Variants in DNAH11 observed in about 807,000 individuals in gnomAD.
DNAH11 encodes the protein dynein axonemal heavy chain 11, also known as axonemal beta dynein heavy chain 11.
In DNAH11, 442 loss-of-function variants were observed where a neutral mutation model predicts 526.0. The ratio of observed to expected loss-of-function variants is 0.84; its 90% CI spans 0.78 to 0.91. DNAH11 has a LOEUF of 0.91. Among genes scored for constraint, DNAH11 ranks in the 40% least tolerant of loss-of-function variants. The pLI is 0.00. For missense variants in DNAH11, 6,989 were observed against 5,448.7 expected, an observed-to-expected ratio of 1.28 and a Z score of -8.90; for synonymous variants, 2,461 against 1,935.9, an observed-to-expected ratio of 1.27 and a Z score of -7.12.
chr7:21,746,654 A>G (rs1002067270), intron 51 of DNAH11, among the ~76,000 whole-genome samples: 1 of 152,190 alleles, frequency 6.6e-6, no homozygotes, highest in East Asian at 1.9e-4. Context: ...TAAGATGTGG[A>G]GAATTCAGTT....
rs115336770 is a variant in DNAH11 at position 21,795,964 on chromosome 7, G to T, written c.10027-5173G>T. 6.8e-3 allele frequency among the ~76,000 whole-genome samples: 917 copies of T among 135,576 alleles called. 13 individuals carry two copies. The highest frequency in any genetic ancestry group is 0.024 in the African/African-American group (872 of 35,868). The allele number at this position is 135,576 out of a possible 152,430, so 88.9% of individuals were successfully genotyped here. On this transcript the variant is annotated intron_variant, in intron 61 of 81. Transcript: ENST00000409508. ...AGGGCATTTCAAGAAAGAGGGTCACGTGTCCTGTGGACAGTGAGTACCTCA... is the reference window on the plus strand; with the variant it reads ...AGGGCATTTCAAGAAAGAGGGTCACTTGTCCTGTGGACAGTGAGTACCTCA...
chr7:21,612,809 ATT>A (rs1785586904), intron 20 of DNAH11, among the ~76,000 whole-genome samples: 1 of 152,212 alleles, frequency 6.6e-6, no homozygotes, highest in South Asian at 2.1e-4. Flanking sequence ...AATTATACCA[ATT>A]TATAAACAAG....
chr7:21,851,613 C>A, intron 66 of DNAH11: 1 of 471,212 alleles, frequency 2.1e-6, no homozygotes, highest in African/African-American at 2.0e-5. Context: ...CTGACCTTCA[C>A]TGTAAGAACC....
chr7:21,885,950 G>A (rs565351948), intron 76 of DNAH11, among the ~76,000 whole-genome samples: 9 of 152,046 alleles, frequency 5.9e-5, no homozygotes, highest in East Asian at 1.9e-4. Context: ...TTTGTTTCTC[G>A]TACTACAGAG....
chr7:21,662,754 A>T (rs1782285812), intron 30 of DNAH11, among the ~76,000 whole-genome samples: 1 of 151,958 alleles, frequency 6.6e-6, no homozygotes, highest in African/African-American at 2.4e-5. Context: ...TAGCTCCCCA[A>T]ACCTTCTACC....
intron 64 of DNAH11, among the ~76,000 whole-genome samples, chr7:21,817,518 C>T (rs1408976164): frequency 2.0e-5 from 1 of 49,152 alleles, no homozygotes; most frequent in African/African-American, 6.3e-5. Flanking sequence ...CCCATCTCTA[C>T]CAAAAAAAAA....
intron 2 of DNAH11, among the ~76,000 whole-genome samples, chr7:21,549,646 C>T (rs781416675): frequency 1.1e-4 from 16 of 152,030 alleles, no homozygotes; most frequent in African/African-American, 3.6e-4. Context: ...TATAGGATTG[C>T]GTTTTAAATT....
At chr7:21,565,469 C>T (rs1783628861) in intron 6 of DNAH11, among the ~76,000 whole-genome samples, 1 of 152,076 alleles carries the variant, frequency 6.6e-6, no homozygotes, top group African/African-American at 2.4e-5. Context: ...GCTCAATTTC[C>T]CTGAGCAGTT....
intron 58 of DNAH11, 81 bp from the exon 59 acceptor site, chr7:21,786,543 G>A: frequency 6.7e-7 from 1 of 1,494,630 alleles, no homozygotes; most frequent in South Asian, 1.4e-5. Context: ...GTCCACTAAA[G>A]CCTTGCTTGG....
intron 18 of DNAH11, among the ~76,000 whole-genome samples, chr7:21,606,115 C>T (rs189380280): frequency 2.9e-4 from 44 of 152,226 alleles, no homozygotes; most frequent in Non-Finnish European, 5.3e-4. Flanking sequence ...CTTGAATTCA[C>T]GAGTTCAAGA....
intron 63 of DNAH11, among the ~76,000 whole-genome samples, chr7:21,814,348 T>C (rs1271386504): frequency 2.8e-5 from 3 of 105,384 alleles, no homozygotes; most frequent in Non-Finnish European, 5.6e-5. Context: ...TTTATTTATT[T>C]ATTTTTTTTT....
At chr7:21,806,664 A>AC (rs1209073114) in intron 62 of DNAH11, among the ~76,000 whole-genome samples, 2 of 152,168 alleles carry the variant, frequency 1.3e-5, no homozygotes, top group East Asian at 3.9e-4. Context: ...CTTTGCTTGT[A>AC]CTAACAAATT....
At chr7:21,722,040 A>G (rs1784897270) in intron 44 of DNAH11, among the ~76,000 whole-genome samples, 1 of 152,196 alleles carries the variant, frequency 6.6e-6, no homozygotes, top group Non-Finnish European at 1.5e-5. Context: ...CATTTGCACC[A>G]GCACACAGAT....
intron 79 of DNAH11, among the ~76,000 whole-genome samples, chr7:21,895,350 A>G (rs1488001112): frequency 6.6e-6 from 1 of 152,162 alleles, no homozygotes; most frequent in East Asian, 1.9e-4. Flanking sequence ...AGCAACTTGA[A>G]TTTGCCTTTG....
intron 5 of DNAH11, among the ~76,000 whole-genome samples, chr7:21,563,200 G>A (rs766967470): frequency 7.9e-5 from 12 of 151,786 alleles, no homozygotes; most frequent in Non-Finnish European, 1.6e-4. Context: ...TTTTTTGTTT[G>A]ATTTTTTTCT....
intron 25 of DNAH11, among the ~76,000 whole-genome samples, chr7:21,631,550 G>T (rs899616206): frequency 6.6e-6 from 1 of 152,150 alleles, no homozygotes; most frequent in African/African-American, 2.4e-5. Flanking sequence ...TTCCAAATGG[G>T]AGAAAGCAGC....
intron 74 of DNAH11, among the ~76,000 whole-genome samples, chr7:21,876,450 T>A (rs1302883445): frequency 3.3e-5 from 5 of 152,246 alleles, no homozygotes; most frequent in Admixed American, 3.3e-4. Flanking sequence ...ATTTAGCCTG[T>A]GCTCCCTGGC....
rs1358264169 is a variant in DNAH11 at position 21,787,557 on chromosome 7, G to A, written c.9898G>A (p.Val3300Ile). 2 of 1,611,306 alleles carry A rather than the reference G, an allele frequency of 1.2e-6. No homozygotes were observed. Among genetic ancestry groups the A allele is most frequent in the Non-Finnish European group, 1.7e-6 (2 of 1,178,936 alleles). ...SFAAAGLCAW[V>I]INIIKFYEVY... ...TGCAGCAGCTGGCCTGTGTGCCTGG[G>A]TCATCAACATCATTAAATTCTATGA... The change falls in exon 60 of 82, where the codon GTC becomes ATC. Residue 3300 changes from valine (V) to isoleucine (I), a missense_variant. Transcript: ENST00000409508.
rs776260845 is a variant in DNAH11, at chr7:21,588,515, G to A, written c.1852G>A (p.Glu618Lys). The A allele has an allele frequency of 1.1e-5, 18 of 1,613,534 alleles. No individual in the cohort carries two copies. In the South Asian group the frequency reaches 2.0e-4, roughly 18 times the overall value. The change falls in exon 11 of 82, where the codon GAA becomes AAA. Residue 618 changes from glutamate to lysine, a missense_variant. Transcript: ENST00000409508. ...TCACCAAAATATCAACTTGCAGATT[G>A]AATGTGGTCATGTAGTTCTTAACAA... ...QLYNEHMKQI[E>K]CGHVVLNKNM...
Sources: gnomAD v4.1 joint callset for allele counts (sites outside exome capture counted in the v4.1 genomes callset) on GRCh38, gnomAD v4.1.1 for gene constraint, MANE v1.5 for transcripts, NCBI Gene and HGNC (gene_info 2026-07-23, HGNC 2026-07-21) for gene names.